Variants in GSAP observed in about 807,000 individuals in gnomAD.
GSAP encodes the protein gamma-secretase activating protein.
Under a neutral mutation model 131.7 loss-of-function variants are expected in GSAP, and 118 were observed. That is an observed-to-expected ratio of 0.90 (90% CI 0.77 to 1.04). GSAP has a LOEUF of 1.04. Ranked by LOEUF, GSAP falls within the 50% of genes least tolerant of loss-of-function variation. GSAP has a pLI of 0.00. For synonymous variants in GSAP, 381 were observed against 363.4 expected (o/e 1.05, Z -0.55); for missense variants, 1,019 against 1,013.2 (o/e 1.01, Z -0.08).
chr7:77,397,921 T>C (rs1800697683), intron 3 of GSAP, among the ~76,000 whole-genome samples: 1 of 152,232 alleles, frequency 6.6e-6, no homozygotes, highest in South Asian at 2.1e-4. Flanking sequence ...TTAGCCACTG[T>C]CACAAGTGCA....
chr7:77,321,736 T>C lies in GSAP; in HGVS notation c.1924-333A>G, dbSNP rs11981324. 5.3e-3 allele frequency among the ~76,000 whole-genome samples: 803 copies of C among 152,262 alleles called. 8 individuals carry two copies. Among genetic ancestry groups the C allele is most frequent in the African/African-American group, 0.012 (507 of 41,560 alleles). ...AGTGCTACAGGGTTTGCTCCAGGCCTGTCACAACGCAAGAGCCAACAGTGG... is the reference window on the plus strand; with the variant it reads ...AGTGCTACAGGGTTTGCTCCAGGCCCGTCACAACGCAAGAGCCAACAGTGG... On this transcript the variant is annotated intron_variant, in intron 24 of 30. Coordinates refer to ENST00000257626, the MANE Select transcript of GSAP (RefSeq NM_017439.4).
At chr7:77,317,151 A>T (rs1168992583) in intron 26 of GSAP, among the ~76,000 whole-genome samples, 1 of 152,188 alleles carries the variant, frequency 6.6e-6, no homozygotes. Context: ...GATGGAAATA[A>T]ACATTCAAGA....
In GSAP at chr7:77,352,977, T is replaced by C; in HGVS notation, c.1458A>G (p.Leu486=). ...AAGTGAGCACTGAGGAATGTGGCAA[T>C]AGTTTGTCCATGTTACTTGTCTCTG... ...VYSETSNMDK[L]LPHSSVLTWN... is the part of the protein sequence containing the mutation. The change falls in exon 18 of 31, where the codon CTA becomes CTG. Residue 486 remains leucine, a synonymous_variant. Coordinates refer to ENST00000257626, the MANE Select transcript of GSAP (RefSeq NM_017439.4). 3 of 1,607,144 alleles carry C rather than the reference T, an allele frequency of 1.9e-6. No homozygotes were observed. The highest frequency in any genetic ancestry group is 1.7e-6 in the Non-Finnish European group (2 of 1,173,800).
intron 14 of GSAP, among the ~76,000 whole-genome samples, chr7:77,355,851 G>A (rs1045840248): frequency 7.0e-6 from 1 of 143,524 alleles, no homozygotes; most frequent in Non-Finnish European, 1.5e-5. Context: ...TAGCGGTGGT[G>A]TGATGTCGGC....
intron 23 of GSAP, among the ~76,000 whole-genome samples, chr7:77,324,811 A>G (rs1788101809): frequency 6.7e-6 from 1 of 149,846 alleles, no homozygotes; most frequent in Admixed American, 6.7e-5. Context: ...TGTCGTGTAA[A>G]CATTGTTTGC....
rs766040867 is a variant in GSAP, at chr7:77,353,444, G to GC, written c.1408+127_1408+128insG. The GC allele has an allele frequency of 7.7e-6, 4 of 517,526 alleles. No homozygotes were observed. The East Asian group carries it at 9.8e-5, about 13-fold the overall frequency. 32.1% of individuals were successfully genotyped at this position (517,526 alleles called of 1,614,324 possible). On this transcript the variant is annotated intron_variant, in intron 17 of 30. Coordinates refer to ENST00000257626, the MANE Select transcript of GSAP (RefSeq NM_017439.4). ...TAGCTGCTGACTCCGATAGAGTTTT[G>GC]TTTTTTTTTTTTAATGTGCTCCAAA...
chr7:77,381,489 C>T, intron 7 of GSAP, 135 bp from the exon 8 acceptor site: 1 of 496,904 alleles, frequency 2.0e-6, no homozygotes, highest in Non-Finnish European at 3.5e-6. Flanking sequence ...AACACTATCA[C>T]AAACTGTAAT....
intron 27 of GSAP, 112 bp downstream of exon 27, chr7:77,314,258 T>G: frequency 9.3e-7 from 1 of 1,079,800 alleles, no homozygotes. Context: ...AGCAGGGCAC[T>G]CTTCTGAGTG....
chr7:77,323,411 T>C (rs751243859), intron 24 of GSAP, among the ~76,000 whole-genome samples: 1 of 152,228 alleles, frequency 6.6e-6, no homozygotes, highest in Non-Finnish European at 1.5e-5. Context: ...CATCCATGGG[T>C]ATATAATCAG....
chr7:77,340,749 G>A (rs915634376), intron 19 of GSAP, among the ~76,000 whole-genome samples: 27 of 152,118 alleles, frequency 1.8e-4, no homozygotes, highest in African/African-American at 4.8e-4. Flanking sequence ...TCTGATCACC[G>A]TGGGGATGCC....
chr7:77,391,804 C>T (rs185593175), intron 5 of GSAP, among the ~76,000 whole-genome samples: 20 of 152,306 alleles, frequency 1.3e-4, no homozygotes, highest in African/African-American at 4.3e-4. Context: ...CAGTGCACCC[C>T]AGCTTGGGCA....
At chr7:77,337,290 C>CGG (rs1481617028) in intron 19 of GSAP, among the ~76,000 whole-genome samples, 1 of 6,040 alleles carries the variant, frequency 1.7e-4, no homozygotes, top group Admixed American at 1.5e-3. Context: ...GTAACGGGGG[C>CGG]GGGGGTGGGG....
At chr7:77,366,552 C>T (rs548352732) in intron 12 of GSAP, among the ~76,000 whole-genome samples, 1 of 152,188 alleles carries the variant, frequency 6.6e-6, no homozygotes, top group South Asian at 2.1e-4. Context: ...GGTGTGCAGC[C>T]TTATTTCTGG....
chr7:77,323,489 T>G (rs1278203180), intron 24 of GSAP, among the ~76,000 whole-genome samples, 158 bp downstream of exon 24: 1 of 152,232 alleles, frequency 6.6e-6, no homozygotes, highest in East Asian at 1.9e-4. Flanking sequence ...CTTATTTCCC[T>G]TTTCTCAATC....
chr7:77,355,808 A>ATTTTTTTTT (rs1584457301), intron 14 of GSAP, among the ~76,000 whole-genome samples, 161 bp from the exon 15 acceptor site: 1 of 69,570 alleles, frequency 1.4e-5, no homozygotes, highest in Admixed American at 1.3e-4. Flanking sequence ...TTTTTTTTTA[A>ATTTTTTTTT]GACAGGGTCT....
intron 14 of GSAP, among the ~76,000 whole-genome samples, chr7:77,356,984 C>T (rs1434473860): frequency 6.6e-6 from 1 of 152,166 alleles, no homozygotes; most frequent in Non-Finnish European, 1.5e-5. Flanking sequence ...TATAGCAACA[C>T]TTTACTAGAA....
intron 1 of GSAP, among the ~76,000 whole-genome samples, chr7:77,413,515 A>G (rs1424813594): frequency 6.6e-6 from 1 of 152,238 alleles, no homozygotes; most frequent in Non-Finnish European, 1.5e-5. Context: ...CACACTATGG[A>G]ACACTATATA....
At chr7:77,377,156 G>T in intron 9 of GSAP, 130 bp downstream of exon 9, 1 of 1,057,582 alleles carries the variant, frequency 9.5e-7, no homozygotes, top group Non-Finnish European at 1.3e-6. Flanking sequence ...GTTCAAGGCT[G>T]CAGTGAGCTA....
chr7:77,386,343 A>G (rs1798562974), intron 6 of GSAP, among the ~76,000 whole-genome samples: 1 of 152,208 alleles, frequency 6.6e-6, no homozygotes, highest in Non-Finnish European at 1.5e-5. Context: ...TCCTGTGATC[A>G]TGGCTTTTGG....
Sources: allele counts gnomAD v4.1 joint callset (sites outside exome capture counted in the v4.1 genomes callset), GRCh38; gene constraint gnomAD v4.1.1; transcripts MANE v1.5; gene names NCBI Gene and HGNC (gene_info 2026-07-23, HGNC 2026-07-21).